Variants in PKHD1L1 observed in about 807,000 individuals in gnomAD.
The protein encoded by PKHD1L1 is fibrocystin-L.
A neutral mutation model predicts 462.9 loss-of-function variants in PKHD1L1; 434 were observed. The observed-to-expected ratio is 0.94, with a 90% CI of 0.87 to 1.02. The LOEUF is 1.02. Among genes scored for constraint, PKHD1L1 ranks in the 50% least tolerant of loss-of-function variants. The pLI is 0.00. For synonymous variants in PKHD1L1, 1,781 were observed against 1,750.0 expected, an observed-to-expected ratio of 1.02 and a Z score of -0.44; for missense variants, 5,202 against 5,096.1, an observed-to-expected ratio of 1.02 and a Z score of -0.63.
intron 46 of PKHD1L1, among the ~76,000 whole-genome samples, chr8:109,456,912 T>C (rs925093971): frequency 1.3e-5 from 2 of 152,106 alleles, no homozygotes; most frequent in African/African-American, 2.4e-5. Flanking sequence ...GAAATAATTA[T>C]ACAAAAAGTG....
Position 109,456,333 on chromosome 8 carries a change from C to T in PKHD1L1, c.6946C>T (p.Gln2316Ter). 1 of 1,611,218 alleles carries T rather than the reference C, an allele frequency of 6.2e-7. No individual in the cohort carries two copies. Among genetic ancestry groups the T allele is most frequent in the Non-Finnish European group, 8.5e-7 (1 of 1,178,560 alleles). ...AKAGERILIL[Q>*]EAVTWKPGDN... ...GGCAGGGGAAAGAATTTTAATTTTA[C>T]AAGAAGCAGTAACATGGAAACCAGG... The change falls in exon 46 of 78, where the codon CAA (glutamine) becomes TAA (stop). Residue 2316 changes from glutamine to a stop codon, truncating the protein, a stop_gained. Transcript: ENST00000378402. LOFTEE classifies it high-confidence loss of function.
chr8:109,395,307 T>G (rs1812913678), intron 10 of PKHD1L1, among the ~76,000 whole-genome samples: 1 of 152,086 alleles, frequency 6.6e-6, no homozygotes, highest in Admixed American at 6.6e-5. Flanking sequence ...TTGGAGAATA[T>G]CAGAACAAAC....
At chr8:109,440,656 G>A (rs1215986635) in intron 32 of PKHD1L1, 54 bp from the exon 33 acceptor site, 3 of 1,522,834 alleles carry the variant, frequency 2.0e-6, no homozygotes, top group Admixed American at 1.7e-5. Flanking sequence ...CAAGAGTTTA[G>A]CAAGATAAAT....
At chr8:109,406,511 G>T in intron 17 of PKHD1L1, 33 bp downstream of exon 17, 1 of 1,555,546 alleles carries the variant, frequency 6.4e-7, no homozygotes, top group South Asian at 1.2e-5. Flanking sequence ...ACTTCTGTAG[G>T]AAACAAATGT....
chr8:109,451,628 C>T (rs996987748), intron 41 of PKHD1L1, among the ~76,000 whole-genome samples: 1 of 152,160 alleles, frequency 6.6e-6, no homozygotes, highest in Non-Finnish European at 1.5e-5. Flanking sequence ...TTGTGTACTG[C>T]ATTGTCATCA....
At chr8:109,507,292 G>A (rs891595827) in intron 68 of PKHD1L1, among the ~76,000 whole-genome samples, 1 of 152,140 alleles carries the variant, frequency 6.6e-6, no homozygotes, top group African/African-American at 2.4e-5. Flanking sequence ...AATTTTATAT[G>A]TCCTGTATAA....
At position 109,461,795 on chromosome 8, in the gene PKHD1L1, C is replaced by A; in HGVS notation, c.7270C>A (p.Leu2424Ile). The A allele has an allele frequency of 6.2e-7, 1 of 1,609,526 alleles. No homozygotes were observed. Among genetic ancestry groups the A allele is most frequent in the Non-Finnish European group, 8.5e-7 (1 of 1,177,844 alleles). ...AGGAGAATTTGCTACACAGACCTGT[C>A]TCCAAGGAAAGTTTGGAGAAGAAAT... The part of the protein sequence containing the change: ...DTGEFATQTC[L>I]QGKFGEEIGS... The change falls in exon 48 of 78, where the codon CTC becomes ATC. Residue 2424 changes from leucine (L) to isoleucine (I), a missense_variant. Transcript: ENST00000378402.
rs771849922 is a variant in PKHD1L1 at position 109,440,744 on chromosome 8, G to A, written c.3991G>A (p.Glu1331Lys). 4 of 1,612,826 alleles carry A rather than the reference G, an allele frequency of 2.5e-6. No homozygotes were observed. In the South Asian group the frequency reaches 4.4e-5, roughly 18 times the overall value. Residue 1331 changes from glutamate (E) to lysine (K), a missense_variant, in exon 33 of 78, where the codon GAA becomes AAA. Physicochemically the swap from Glu to Lys is moderately conservative, Grantham distance 56. Around this residue, in one of 3 missense-constraint regions of PKHD1L1, gnomAD observed 4,497 missense variants for 4,336.8 expected, o/e 1.04. Transcript: ENST00000378402. ...AAATTCTTCAATACAGTATGTTTTA[G>A]AAGTGACCAGCATGTTTCCACAAAG... ...KLNSSIQYVL[E>K]VTSMFPQRGS...
Position 109,445,088 on chromosome 8 carries a change from C to T in PKHD1L1, c.5219C>T (p.Thr1740Ile). The T allele has an allele frequency of 6.2e-7, 1 of 1,613,918 alleles. No homozygotes were observed. The highest frequency in any genetic ancestry group is 8.5e-7 in the Non-Finnish European group (1 of 1,179,868). The change falls in exon 38 of 78, where the codon ACC (threonine) becomes ATC (isoleucine). Residue 1740 changes from threonine (T) to isoleucine (I), a missense_variant. This residue lies in a region of PKHD1L1 where 4,497 missense variants were observed against 4,336.8 expected (regional missense o/e 1.04). Coordinates refer to ENST00000378402, the MANE Select transcript of PKHD1L1 (RefSeq NM_177531.6). ...GVPAQCQGNC[T>I]FSYLESITPY... ...CCTGCCCAGTGCCAGGGAAACTGCA[C>T]CTTTTCATACTTAGAAAGCATCACT... is the stretch of plus-strand genomic sequence containing the variant.
At chr8:109,454,524 A>G (rs1230786204) in intron 44 of PKHD1L1, among the ~76,000 whole-genome samples, 199 bp from the exon 45 acceptor site, 1 of 152,204 alleles carries the variant, frequency 6.6e-6, no homozygotes, top group Admixed American at 6.5e-5. Context: ...CAATCAGTAT[A>G]CCTTTCAAAG....
rs1292499871 is a variant in PKHD1L1, at chr8:109,381,504, T to A, written c.298T>A (p.Cys100Ser). The change falls in exon 3 of 78, where the codon TGC (cysteine) becomes AGC (serine). Residue 100 changes from cysteine (C) to serine (S), a missense_variant. Around this residue, in one of 3 missense-constraint regions of PKHD1L1, gnomAD observed 4,497 missense variants for 4,336.8 expected, o/e 1.04. Transcript: ENST00000378402. ...TGCAAGTCATTCAACTCAAATTACA[T>A]GCTATACTAGGTCTGTTTTAAAGTA... ...KDASHSTQITCYTRAMPEDSY... is the reference protein window; with the variant it reads ...KDASHSTQITSYTRAMPEDSY... 2 of 1,573,134 alleles carry A rather than the reference T, an allele frequency of 1.3e-6. No individual in the cohort carries two copies. The highest frequency in any genetic ancestry group is 1.7e-6 in the Non-Finnish European group (2 of 1,154,378).
In PKHD1L1 at chr8:109,364,635, A is replaced by C. The variant is rs1294507153; in HGVS notation, c.162A>C (p.Glu54Asp). 15 of 1,449,648 alleles carry C rather than the reference A, an allele frequency of 1.0e-5. No homozygotes were observed. The highest frequency in any genetic ancestry group is 8.3e-5 in the Admixed American group (4 of 48,078). The allele number at this position is 1,449,648 out of a possible 1,614,324, so 89.8% of individuals were successfully genotyped here. ...NGATRLTIRG[E>D]GFSQANQFNY... ...CAACAAGGCTGACTATAAGAGGGGA[A>C]GGTATCGTTGCTTTTTTTTTTTTTT... The change falls in exon 2 of 78, where the codon GAA becomes GAC. Residue 54 changes from glutamate (E) to aspartate (D), a missense_variant and splice_region_variant. Glu to Asp is a conservative substitution (Grantham distance 45, BLOSUM62 2). Transcript: ENST00000378402.
chr8:109,510,268 C>T (rs1281841141), intron 70 of PKHD1L1, among the ~76,000 whole-genome samples: 1 of 152,138 alleles, frequency 6.6e-6, no homozygotes, highest in African/African-American at 2.4e-5. Flanking sequence ...ATGGTTCAGG[C>T]ATTCAAATGT....
chr8:109,429,304 T>A, intron 25 of PKHD1L1, 36 bp from the exon 26 acceptor site: 1 of 1,448,062 alleles, frequency 6.9e-7, no homozygotes, highest in Non-Finnish European at 9.4e-7. Context: ...ATATTTGTTA[T>A]AACCTTTCTA....
intron 37 of PKHD1L1, among the ~76,000 whole-genome samples, chr8:109,444,116 C>CT (rs200062532): frequency 4.0e-5 from 3 of 74,914 alleles, no homozygotes; most frequent in Admixed American, 1.4e-4. Flanking sequence ...TTCATTACCT[C>CT]CCCCCCCCAA....
intron 6 of PKHD1L1, 79 bp from the exon 7 acceptor site, chr8:109,388,418 T>G: frequency 2.0e-6 from 2 of 989,248 alleles, no homozygotes; most frequent in Non-Finnish European, 1.5e-6. Flanking sequence ...AGGGAACCAG[T>G]GAGTTGATGG....
At chr8:109,455,980 C>T (rs961808328) in intron 45 of PKHD1L1, among the ~76,000 whole-genome samples, 1 of 152,146 alleles carries the variant, frequency 6.6e-6, no homozygotes, top group African/African-American at 2.4e-5. Context: ...ACCCCATTTA[C>T]ATTGTGTCCC....
Position 109,518,338 on chromosome 8 carries a change from C to A in PKHD1L1, c.11861C>A (p.Thr3954Asn), listed in dbSNP as rs768048706. Residue 3954 changes from threonine (T) to asparagine (N), a missense_variant, in exon 73 of 78, where the codon ACC (threonine) becomes AAC (asparagine). Thr to Asn is a moderately conservative substitution (Grantham distance 65, BLOSUM62 0). Around this residue, in one of 3 missense-constraint regions of PKHD1L1, gnomAD observed 698 missense variants for 736.3 expected, o/e 0.95. Coordinates refer to ENST00000378402, the MANE Select transcript of PKHD1L1 (RefSeq NM_177531.6). ...LSVATEDDFY[T>N]SHNLVKNLAL... is the part of the protein sequence containing the mutation. ...GTTGCAACAGAAGATGACTTTTATA[C>A]CTCTCACAATCTGGTTAAAAATCTT... The A allele has an allele frequency of 6.2e-7, 1 of 1,613,440 alleles. No individual in the cohort carries two copies. Among genetic ancestry groups the A allele is most frequent in the South Asian group, 1.1e-5 (1 of 91,076 alleles).
chr8:109,445,316 T>A lies in PKHD1L1; in HGVS notation c.5447T>A (p.Val1816Glu). ...PVGHHSVSVVVGSKGLALGNL... is the reference protein window; with the variant it reads ...PVGHHSVSVVEGSKGLALGNL... Reference sequence around the variant, plus strand: ...GGACATCATTCTGTTAGTGTTGTGGTGGGAAGTAAAGGCTTGGCTCTGGGA... The same window carrying A: ...GGACATCATTCTGTTAGTGTTGTGGAGGGAAGTAAAGGCTTGGCTCTGGGA... Residue 1816 changes from valine to glutamate, a missense_variant, in exon 38 of 78, where the codon GTG (valine) becomes GAG (glutamate). Physicochemically the swap from Val to Glu is moderately radical, Grantham distance 121. This residue lies in a region of PKHD1L1 where 4,497 missense variants were observed against 4,336.8 expected (regional missense o/e 1.04). Coordinates refer to ENST00000378402, the MANE Select transcript of PKHD1L1 (RefSeq NM_177531.6). 6.2e-7 allele frequency: 1 copy of A among 1,613,946 alleles called. No homozygotes were observed. Among genetic ancestry groups the A allele is most frequent in the Admixed American group, 1.7e-5 (1 of 60,014 alleles).
Sources: allele counts gnomAD v4.1 joint callset (sites outside exome capture counted in the v4.1 genomes callset), GRCh38; gene constraint gnomAD v4.1.1; regional missense constraint gnomAD v4.1.1; transcripts MANE v1.5; gene names NCBI Gene and HGNC (gene_info 2026-07-23, HGNC 2026-07-21).